SENP6: variants seen among roughly 807,000 people sequenced by gnomAD.
SENP6 encodes SUMO specific peptidase 6, also known as sentrin-specific protease 6.
In SENP6, 41 loss-of-function variants were observed where a neutral mutation model predicts 134.5. That is an observed-to-expected ratio of 0.30 (90% CI 0.24 to 0.40). The LOEUF is 0.40. SENP6 is among the 10% of genes least tolerant of loss of function. SENP6 has a pLI of 1.00. For synonymous variants in SENP6, 395 were observed against 429.8 expected, an observed-to-expected ratio of 0.92 and a Z score of 1.00; for missense variants, 1,248 against 1,312.5, an observed-to-expected ratio of 0.95 and a Z score of 0.76.
intron 22 of SENP6, 30 bp downstream of exon 22, chr6:75,713,611 T>C: frequency 1.9e-6 from 3 of 1,605,106 alleles, no homozygotes; most frequent in Non-Finnish European, 1.7e-6. Context: ...CGTATTCTGA[T>C]GGGGATGAAG....
Position 75,717,184 on chromosome 6 carries a change from A to T in SENP6, c.*1590A>T, listed in dbSNP as rs1776060875. The T allele has an allele frequency of 6.6e-6, 1 of 152,060 alleles. No individual in the cohort carries two copies. The highest frequency in any genetic ancestry group is 1.5e-5 in the Non-Finnish European group (1 of 67,910). The allele number at this position is 152,060 out of a possible 1,614,324, so 9.4% of individuals were successfully genotyped here. On this transcript the variant is annotated 3_prime_UTR_variant, in exon 24 of 24. Coordinates refer to ENST00000447266, the MANE Select transcript of SENP6 (RefSeq NM_015571.4). ...TTTATTATTTACTGAACATGGCAAAATGCTTTTCAATCTATAATAAAACTG... is the reference window on the plus strand; with the variant it reads ...TTTATTATTTACTGAACATGGCAAATTGCTTTTCAATCTATAATAAAACTG...
intron 1 of SENP6, among the ~76,000 whole-genome samples, chr6:75,605,855 A>G (rs978772188): frequency 3.3e-5 from 5 of 152,218 alleles, no homozygotes; most frequent in Non-Finnish European, 5.9e-5. Context: ...AAGCAAGACA[A>G]TAAATTAGGA....
At chr6:75,626,333 A>G (rs1448066975) in intron 3 of SENP6, among the ~76,000 whole-genome samples, 1 of 150,172 alleles carries the variant, frequency 6.7e-6, no homozygotes, top group Admixed American at 6.6e-5. Context: ...TATGTGGCTT[A>G]GCTTTTTATA....
At chr6:75,701,439 A>T (rs986015121) in intron 18 of SENP6, among the ~76,000 whole-genome samples, 3 of 152,214 alleles carry the variant, frequency 2.0e-5, no homozygotes, top group African/African-American at 4.8e-5. Flanking sequence ...TAGGTTAGAT[A>T]TGTTATTTCT....
rs1045091731 is a variant in SENP6 at position 75,619,234 on chromosome 6, C to A, written c.53-2298C>A. Among the ~76,000 whole-genome samples the A allele has an allele frequency of 3.9e-5, 6 of 152,118 alleles. 1 individual carries two copies. In the South Asian group the frequency reaches 1.2e-3, roughly 31 times the overall value. On this transcript the variant is annotated intron_variant, in intron 1 of 23. Transcript: ENST00000447266. ...CCTGTTAAACAGTAATTCTCCATTT[C>A]TCTACTTCCTTTAGCCTCTGGTAAC...
At chr6:75,678,732 CTT>C (rs1210335370) in intron 15 of SENP6, 40 bp downstream of exon 15, 1 of 1,386,172 alleles carries the variant, frequency 7.2e-7, no homozygotes. Flanking sequence ...TCTTAAATGT[CTT>C]TCTCTGTTTT....
At chr6:75,631,945 A>G (rs1769142810) in intron 3 of SENP6, among the ~76,000 whole-genome samples, 1 of 152,200 alleles carries the variant, frequency 6.6e-6, no homozygotes, top group Admixed American at 6.5e-5. Context: ...TCCATAAACA[A>G]GTGACTGTCA....
chr6:75,629,175 A>G (rs922546081), intron 3 of SENP6, among the ~76,000 whole-genome samples: 2 of 152,238 alleles, frequency 1.3e-5, no homozygotes, highest in African/African-American at 4.8e-5. Flanking sequence ...TTGAATAGCT[A>G]GTATACTTGT....
chr6:75,666,156 T>TG (rs1772207389), intron 9 of SENP6, among the ~76,000 whole-genome samples: 1 of 143,276 alleles, frequency 7.0e-6, no homozygotes, highest in Admixed American at 7.5e-5. Context: ...ATAAAACATA[T>TG]ATGATATATA....
chr6:75,694,327 A>ACT (rs1432747344), intron 16 of SENP6, among the ~76,000 whole-genome samples: 3 of 152,214 alleles, frequency 2.0e-5, no homozygotes, highest in Non-Finnish European at 4.4e-5. Flanking sequence ...CCACTGTACA[A>ACT]GTTCTTTCTC....
At chr6:75,611,420 C>G (rs1458425177) in intron 1 of SENP6, 1 of 152,226 alleles carries the variant, frequency 6.6e-6, no homozygotes, top group Non-Finnish European at 1.5e-5. Context: ...TTGCTTTCAC[C>G]ATTTACAGGC....
In SENP6 at chr6:75,713,455, C is replaced by T. The variant is rs536412330; in HGVS notation, c.2910-58C>T. On this transcript the variant is annotated intron_variant, in intron 21 of 23. Transcript: ENST00000447266. ...TGTTTATAATATGCCACTTTTAATC[C>T]TTTTATGCATTTGTAATATTATGAA... The T allele has an allele frequency of 1.4e-4, 188 of 1,357,348 alleles. No homozygotes were observed. The African/African-American group carries it at 2.6e-3, about 19-fold the overall frequency. The allele number at this position is 1,357,348 out of a possible 1,614,324, so 84.1% of individuals were successfully genotyped here.
chr6:75,624,025 A>T, intron 3 of SENP6, 65 bp downstream of exon 3: 1 of 1,302,762 alleles, frequency 7.7e-7, no homozygotes, highest in South Asian at 1.3e-5. Context: ...ACCTCAAAAG[A>T]TTTAATATTT....
intron 11 of SENP6, among the ~76,000 whole-genome samples, chr6:75,674,793 C>T (rs1371450796): frequency 1.3e-5 from 2 of 152,300 alleles, no homozygotes; most frequent in East Asian, 1.9e-4. Context: ...TAAAAATCTT[C>T]ACACTGAAAA....
intron 11 of SENP6, among the ~76,000 whole-genome samples, chr6:75,673,114 A>G (rs1481932100): frequency 6.6e-6 from 1 of 152,162 alleles, no homozygotes; most frequent in Non-Finnish European, 1.5e-5. Context: ...AGTGTGAGCC[A>G]CTGCACCCGG....
intron 9 of SENP6, among the ~76,000 whole-genome samples, chr6:75,664,952 G>A (rs1323280040): frequency 6.6e-6 from 1 of 152,146 alleles, no homozygotes; most frequent in Non-Finnish European, 1.5e-5. Context: ...ATTTAAATCA[G>A]TTAATTTGAC....
At chr6:75,604,753 T>G (rs1339714554) in intron 1 of SENP6, among the ~76,000 whole-genome samples, 5 of 152,200 alleles carry the variant, frequency 3.3e-5, no homozygotes, top group Non-Finnish European at 5.9e-5. Flanking sequence ...CCATGATTCT[T>G]TTGGTGTCTT....
intron 1 of SENP6, among the ~76,000 whole-genome samples, chr6:75,610,376 C>G (rs1034905648): frequency 6.6e-6 from 1 of 152,082 alleles, no homozygotes; most frequent in Non-Finnish European, 1.5e-5. Flanking sequence ...AGTTGTATAC[C>G]TAAGTCATAT....
Position 75,689,439 on chromosome 6 carries a change from T to C in SENP6, c.2076-6365T>C, listed in dbSNP as rs539672612. The stretch of plus-strand genomic sequence containing the variant: ...AACAAAAACAAAAAAAAACAGAAAA[T>C]AAGTGTTGATGAGGATGTGGAGAAA... On this transcript the variant is annotated intron_variant, in intron 16 of 23. Coordinates refer to ENST00000447266, the MANE Select transcript of SENP6 (RefSeq NM_015571.4). 3.3e-5 allele frequency among the ~76,000 whole-genome samples: 5 copies of C among 151,268 alleles called. No homozygotes were observed. In the East Asian group the frequency reaches 9.7e-4, roughly 29 times the overall value.
Sources: gnomAD v4.1 joint callset for allele counts (sites outside exome capture counted in the v4.1 genomes callset) on GRCh38, gnomAD v4.1.1 for gene constraint, MANE v1.5 for transcripts, NCBI Gene and HGNC (gene_info 2026-07-23, HGNC 2026-07-21) for gene names.